The following EMC2 variants were observed in gnomAD, a reference collection of about 807,000 sequenced individuals.
The protein encoded by EMC2 is ER membrane protein complex subunit 2.
EMC2 carries 37 observed loss-of-function variants against 51.6 expected under a neutral mutation model. The ratio of observed to expected loss-of-function variants is 0.72; its 90% CI spans 0.55 to 0.94. EMC2 has a LOEUF of 0.94. Ranked by LOEUF, EMC2 falls within the 40% of genes least tolerant of loss-of-function variation. The probability of loss-of-function intolerance (pLI) is 0.00; values close to 1 mark genes in which losing one functional copy is unlikely to be tolerated. For synonymous variants in EMC2, 131 were observed against 112.4 expected, an observed-to-expected ratio of 1.17 and a Z score of -1.04; for missense variants, 359 against 350.9, an observed-to-expected ratio of 1.02 and a Z score of -0.18.
At position 108,469,875 on chromosome 8, in the gene EMC2, T is replaced by C. The variant is rs1424776068; in HGVS notation, c.413T>C (p.Val138Ala). Reference sequence around the variant, plus strand: ...ATTCGAAAAGCCCAGGGGAAAAATGTGGAGGCCATTCGGGAGCTGAATGAG... The same window carrying C: ...ATTCGAAAAGCCCAGGGGAAAAATGCGGAGGCCATTCGGGAGCTGAATGAG... The part of the protein sequence containing the change: ...IAIRKAQGKN[V>A]EAIRELNEYL... The change falls in exon 6 of 11, where the codon GTG (valine) becomes GCG (alanine). Residue 138 changes from valine to alanine, a missense_variant. By Grantham distance (64) the Val-to-Ala change is moderately conservative. Coordinates refer to ENST00000220853, the MANE Select transcript of EMC2 (RefSeq NM_014673.5). 1 of 1,613,550 alleles carries C rather than the reference T, an allele frequency of 6.2e-7. No individual in the cohort carries two copies. The highest frequency in any genetic ancestry group is 8.5e-7 in the Non-Finnish European group (1 of 1,179,540).
At chr8:108,464,044 C>T (rs1819402435) in intron 5 of EMC2, 1 of 152,212 alleles carries the variant, frequency 6.6e-6, no homozygotes, top group African/African-American at 2.4e-5. Context: ...AGGGTAGCCT[C>T]CTGTAGCAGG....
At chr8:108,446,240 A>G (rs1317083167) in intron 1 of EMC2, 2 of 397,906 alleles carry the variant, frequency 5.0e-6, no homozygotes, top group Admixed American at 5.6e-5. Flanking sequence ...TACTCCAAGA[A>G]GTAAATATTA....
chr8:108,453,407 T>C lies in EMC2; in HGVS notation c.305+260T>C, dbSNP rs144278852. 4.5e-3 allele frequency among the ~76,000 whole-genome samples: 678 copies of C among 152,330 alleles called. 5 individuals are homozygous for C. The highest frequency in any genetic ancestry group is 0.015 in the African/African-American group (612 of 41,578). The stretch of plus-strand genomic sequence containing the variant: ...TTTTACCTTTTTTACTGCTGATTTG[T>C]AGGAGGTCTTTATATATTCTGGATA... On this transcript the variant is annotated intron_variant, in intron 4 of 10. Coordinates refer to ENST00000220853, the MANE Select transcript of EMC2 (RefSeq NM_014673.5).
intron 1 of EMC2, among the ~76,000 whole-genome samples, chr8:108,449,187 C>T (rs190995898): frequency 5.9e-5 from 9 of 152,038 alleles, no homozygotes; most frequent in East Asian, 1.9e-4. Flanking sequence ...AATCACAGGT[C>T]ACTGCAGCAT....
At chr8:108,470,223 A>T in intron 7 of EMC2, 102 bp downstream of exon 7, 1 of 712,804 alleles carries the variant, frequency 1.4e-6, no homozygotes. Context: ...GGTGTGAATC[A>T]TGTCATTTGA....
At position 108,479,068 on chromosome 8, in the gene EMC2, A is replaced by G; in HGVS notation, c.765A>G (p.Lys255=). Residue 255 remains lysine, a synonymous_variant, in exon 10 of 11, where the codon AAA becomes AAG. Coordinates refer to ENST00000220853, the MANE Select transcript of EMC2 (RefSeq NM_014673.5). ...ASAKTKKDNM[K]YASWAASQIN... is the part of the protein sequence containing the mutation. The stretch of plus-strand genomic sequence containing the variant: ...CAAAAACGAAAAAGGACAACATGAA[A>G]TATGCTAGTTGGGCAGCTAGTCAAA... The G allele has an allele frequency of 6.3e-7, 1 of 1,592,020 alleles. No individual in the cohort carries two copies. The highest frequency in any genetic ancestry group is 8.6e-7 in the Non-Finnish European group (1 of 1,168,972).
At chr8:108,483,669 C>CTGAAT (rs1811086162) in intron 10 of EMC2, among the ~76,000 whole-genome samples, 1 of 152,098 alleles carries the variant, frequency 6.6e-6, no homozygotes, top group African/African-American at 2.4e-5. Context: ...TCACTGACCT[C>CTGAAT]TGAATTTGAT....
chr8:108,460,828 C>T (rs1186758353), intron 5 of EMC2, among the ~76,000 whole-genome samples: 1 of 152,212 alleles, frequency 6.6e-6, no homozygotes, highest in Non-Finnish European at 1.5e-5. Flanking sequence ...CTTAATTCAG[C>T]TTTGCTAAAT....
At chr8:108,478,718 A>G (rs1377395981) in intron 9 of EMC2, among the ~76,000 whole-genome samples, 1 of 151,922 alleles carries the variant, frequency 6.6e-6, no homozygotes, top group African/African-American at 2.4e-5. Context: ...CTTTATTTAA[A>G]TGATATGGAA....
chr8:108,487,827 A>G lies in EMC2; in HGVS notation c.*1229A>G, dbSNP rs983472391. 6.6e-6 allele frequency among the ~76,000 whole-genome samples: 1 copy of G among 152,076 alleles called. No homozygotes were observed. The highest frequency in any genetic ancestry group is 1.5e-5 in the Non-Finnish European group (1 of 67,996). On this transcript the variant is annotated 3_prime_UTR_variant, in exon 11 of 11. Transcript: ENST00000220853. ...TTCTCCATATCTAGTCTAATCTTTC[A>G]TATTACAGTCATTTTCGTTTTATTC... is the stretch of plus-strand genomic sequence containing the variant.
At chr8:108,457,341 T>C (rs749235270) in intron 5 of EMC2, among the ~76,000 whole-genome samples, 4 of 101,808 alleles carry the variant, frequency 3.9e-5, no homozygotes, top group Non-Finnish European at 1.1e-4. Flanking sequence ...CGTGTGTGTG[T>C]GTGTGTGTGT....
intron 1 of EMC2, 57 bp downstream of exon 1, chr8:108,443,755 G>T (rs889705151): frequency 4.5e-5 from 67 of 1,483,834 alleles, no homozygotes; most frequent in Non-Finnish European, 6.0e-5. Context: ...AGCCGTTCGG[G>T]AGTACCCGCT....
chr8:108,483,739 T>G (rs914132096), intron 10 of EMC2, among the ~76,000 whole-genome samples: 36 of 152,128 alleles, frequency 2.4e-4, no homozygotes, highest in Non-Finnish European at 4.9e-4. Context: ...TTCTTATAGA[T>G]CTTACAGAGA....
intron 1 of EMC2, chr8:108,446,350 C>A: frequency 2.6e-6 from 1 of 382,188 alleles, no homozygotes; most frequent in South Asian, 1.9e-5. Flanking sequence ...TGAAGTAAAT[C>A]TTTAGAAATA....
intron 9 of EMC2, 140 bp downstream of exon 9, chr8:108,477,032 A>G (rs1476336534): frequency 9.6e-6 from 5 of 521,870 alleles, no homozygotes; most frequent in African/African-American, 5.9e-5. Flanking sequence ...ATTCTGAGCA[A>G]TAGCTTGTGA....
rs556729354 is a variant in EMC2, at chr8:108,462,734, T to C, written c.363+6804T>C. Among the ~76,000 whole-genome samples the C allele has an allele frequency of 6.0e-5, 6 of 99,938 alleles. No individual in the cohort carries two copies. In the South Asian group the frequency reaches 2.0e-3, roughly 34 times the overall value. 65.6% of individuals were successfully genotyped at this position (99,938 alleles called of 152,430 possible). ...CATTATGAGTACTGCTGAACATCTT[T>C]TAATATTGTTTTTTTTTTTTGAGAA... On this transcript the variant is annotated intron_variant, in intron 5 of 10. Coordinates refer to ENST00000220853, the MANE Select transcript of EMC2 (RefSeq NM_014673.5).
chr8:108,469,479 C>T (rs923035114), intron 5 of EMC2, among the ~76,000 whole-genome samples: 1 of 152,116 alleles, frequency 6.6e-6, no homozygotes, highest in Non-Finnish European at 1.5e-5. Context: ...GTTCCTCCCC[C>T]TCTTAGGATA....
chr8:108,449,868 A>C lies in EMC2; in HGVS notation c.86A>C (p.Asn29Thr), dbSNP rs1818973548. ...MRKWREENSR[N>T]SEQIVEVGEE... ...AAATGGAGAGAAGAAAACTCAAGAAATAGTGAGCAAATTGTGGAAGTTGGA... is the reference window on the plus strand; with the variant it reads ...AAATGGAGAGAAGAAAACTCAAGAACTAGTGAGCAAATTGTGGAAGTTGGA... The change falls in exon 2 of 11, where the codon AAT (asparagine) becomes ACT (threonine). Residue 29 changes from asparagine to threonine, a missense_variant. Asn to Thr is a moderately conservative substitution (Grantham distance 65). Transcript: ENST00000220853. 1 of 1,595,906 alleles carries C rather than the reference A, an allele frequency of 6.3e-7. No individual in the cohort carries two copies. Among genetic ancestry groups the C allele is most frequent in the Non-Finnish European group, 8.6e-7 (1 of 1,164,788 alleles).
chr8:108,478,202 CTT>C (rs1324092406), intron 9 of EMC2, among the ~76,000 whole-genome samples: 1 of 151,990 alleles, frequency 6.6e-6, no homozygotes, highest in Non-Finnish European at 1.5e-5. Context: ...TGGTCATATT[CTT>C]TTAAGAGTAA....
Sources: gnomAD v4.1 joint callset for allele counts (sites outside exome capture counted in the v4.1 genomes callset) on GRCh38, gnomAD v4.1.1 for gene constraint, MANE v1.5 for transcripts, NCBI Gene and HGNC (gene_info 2026-07-23, HGNC 2026-07-21) for gene names.